PKP2: variants seen among roughly 807,000 people sequenced by gnomAD.
The protein encoded by PKP2 is plakophilin-2.
PKP2 carries 73 observed loss-of-function variants against 83.4 expected under a neutral mutation model. The observed-to-expected ratio is 0.88, with a 90% CI of 0.72 to 1.06. PKP2 has a LOEUF of 1.06. PKP2 is among the 50% of genes least tolerant of loss of function. The pLI, the probability that PKP2 is intolerant of heterozygous loss-of-function variation, is 0.00. For synonymous variants in PKP2, 409 were observed against 430.4 expected, an observed-to-expected ratio of 0.95 and a Z score of 0.62; for missense variants, 966 against 1,065.4, an observed-to-expected ratio of 0.91 and a Z score of 1.30.
intron 4 of PKP2, among the ~76,000 whole-genome samples, chr12:32,851,217 G>T (rs1231858020): frequency 8.5e-5 from 13 of 152,114 alleles, no homozygotes; most frequent in Admixed American, 8.5e-4. Flanking sequence ...TGAAGGGGAA[G>T]ATTAAGTGAT....
chr12:32,879,285 C>A (rs1344569695), intron 1 of PKP2, among the ~76,000 whole-genome samples: 5 of 152,244 alleles, frequency 3.3e-5, no homozygotes, highest in Non-Finnish European at 7.3e-5. Context: ...CTTATCCCAG[C>A]ACTCTGGGAG....
intron 9 of PKP2, among the ~76,000 whole-genome samples, chr12:32,806,823 C>T (rs536861665): frequency 1.7e-4 from 26 of 152,180 alleles, no homozygotes; most frequent in African/African-American, 5.8e-4. Context: ...ATCTTTCTAG[C>T]TTATTGATCT....
chr12:32,844,034 A>G (rs1266204043), intron 5 of PKP2, among the ~76,000 whole-genome samples: 1 of 152,270 alleles, frequency 6.6e-6, no homozygotes, highest in Non-Finnish European at 1.5e-5. Context: ...ACACCTTACA[A>G]TAAAAACCAG....
intron 10 of PKP2, among the ~76,000 whole-genome samples, chr12:32,801,616 A>C (rs73301721): frequency 0.22 from 32,795 of 152,112 alleles, 4,128 homozygotes; most frequent in East Asian, 0.57. Flanking sequence ...AACAGGCAAA[A>C]TATTGTTTAT....
intron 10 of PKP2, 89 bp from the exon 11 acceptor site, chr12:32,796,387 C>A (rs1956125006): frequency 1.7e-6 from 2 of 1,201,478 alleles, no homozygotes; most frequent in Admixed American, 2.0e-5. Context: ...GAAGAACATT[C>A]TTTTTCTTTT....
At chr12:32,871,919 C>A (rs1217652078) in intron 3 of PKP2, among the ~76,000 whole-genome samples, 1 of 152,128 alleles carries the variant, frequency 6.6e-6, no homozygotes, top group African/African-American at 2.4e-5. Context: ...TAGAGCTATT[C>A]TTTCCTCTAT....
intron 4 of PKP2, among the ~76,000 whole-genome samples, chr12:32,855,981 A>C (rs1359748393): frequency 1.3e-5 from 2 of 152,032 alleles, no homozygotes; most frequent in African/African-American, 4.8e-5. Context: ...TTGTGGGGAC[A>C]AAGAAAGCTA....
rs1303357712 is a variant in PKP2 at position 32,896,498 on chromosome 12, G to A, written c.223+11C>T. The A allele has an allele frequency of 5.4e-6, 8 of 1,479,658 alleles. No homozygotes were observed. Among genetic ancestry groups the A allele is most frequent in the Non-Finnish European group, 6.3e-6 (7 of 1,113,720 alleles). The allele number at this position is 1,479,658 out of a possible 1,614,324, so 91.7% of individuals were successfully genotyped here. ...AGGGGGCGGCGCCGGGGAGCGGCGG[G>A]CTCCACTCACCGTTGCCCACGGAGC... On this transcript the variant is annotated intron_variant, in intron 1 of 12. Transcript: ENST00000340811.
At position 32,822,490 on chromosome 12, in the gene PKP2, T is replaced by G; in HGVS notation, c.1816A>C (p.Ser606Arg). 2 of 1,614,158 alleles carry G rather than the reference T, an allele frequency of 1.2e-6. No individual in the cohort carries two copies. Among genetic ancestry groups the G allele is most frequent in the Non-Finnish European group, 1.7e-6 (2 of 1,180,032 alleles). Reference protein sequence around the residue: ...DNNKSIGCFGSRSRKVKEQYQ... With the variant: ...DNNKSIGCFGRRSRKVKEQYQ... ...ACCTCTTTTACTTTCCTGCTTCGAC[T>G]GCCAAAACATCCAATACTTTTGTTG... Residue 606 changes from serine to arginine, a missense_variant, in exon 8 of 13, where the codon AGT becomes CGT. Transcript: ENST00000340811.
At chr12:32,880,100 G>C (rs1956971982) in intron 1 of PKP2, among the ~76,000 whole-genome samples, 1 of 151,026 alleles carries the variant, frequency 6.6e-6, no homozygotes, top group African/African-American at 2.4e-5. Flanking sequence ...AGATAAGACA[G>C]CTTGTATAAA....
At chr12:32,837,390 A>T (rs533548517) in intron 6 of PKP2, among the ~76,000 whole-genome samples, 39 of 152,296 alleles carry the variant, frequency 2.6e-4, no homozygotes, top group Non-Finnish European at 1.5e-5. Flanking sequence ...AATGAGGAAA[A>T]CCTATCTTGT....
chr12:32,797,608 T>G (rs1461971961), intron 10 of PKP2, among the ~76,000 whole-genome samples: 1 of 143,854 alleles, frequency 7.0e-6, no homozygotes, highest in African/African-American at 2.6e-5. Flanking sequence ...CAGGCTGGAG[T>G]GCAGTGGCGC....
At chr12:32,843,411 C>A (rs1468354037) in intron 5 of PKP2, 6 of 828,746 alleles carry the variant, frequency 7.2e-6, no homozygotes, top group Non-Finnish European at 1.1e-5. Context: ...GCAAACATCA[C>A]CTCCCCTGAA....
At chr12:32,801,376 T>TG (rs59608291) in intron 10 of PKP2, among the ~76,000 whole-genome samples, 1 of 151,958 alleles carries the variant, frequency 6.6e-6, no homozygotes, top group East Asian at 1.9e-4. Flanking sequence ...CAAAAGACCA[T>TG]GGGGAGAGCA....
chr12:32,840,873 G>GT (rs1428008577), intron 6 of PKP2, among the ~76,000 whole-genome samples, 155 bp downstream of exon 6: 5 of 152,034 alleles, frequency 3.3e-5, no homozygotes, highest in Non-Finnish European at 4.4e-5. Context: ...GCGAGACTCT[G>GT]TTTTAAAAAA....
chr12:32,863,408 G>C (rs778429592), intron 4 of PKP2: 7 of 251,998 alleles, frequency 2.8e-5, no homozygotes, highest in South Asian at 6.1e-5. Flanking sequence ...CACAGAGTCC[G>C]AGTGATGCTG....
chr12:32,833,692 G>A (rs945482579), intron 6 of PKP2, among the ~76,000 whole-genome samples: 16 of 152,034 alleles, frequency 1.1e-4, no homozygotes, highest in Non-Finnish European at 1.5e-5. Context: ...TTTACTATAC[G>A]ATGACAGGTG....
At chr12:32,876,593 A>C (rs555478585) in intron 3 of PKP2, among the ~76,000 whole-genome samples, 108 of 152,176 alleles carry the variant, frequency 7.1e-4, no homozygotes, top group African/African-American at 2.1e-3. Flanking sequence ...CAGTGGCACA[A>C]ATCTTGGCTC....
chr12:32,887,112 T>C (rs1957037361), intron 1 of PKP2, among the ~76,000 whole-genome samples: 1 of 152,234 alleles, frequency 6.6e-6, no homozygotes, highest in South Asian at 2.1e-4. Context: ...TACAGTGCTA[T>C]ATTTTGTGAC....
Sources: allele counts gnomAD v4.1 joint callset (sites outside exome capture counted in the v4.1 genomes callset), GRCh38; gene constraint gnomAD v4.1.1; transcripts MANE v1.5; gene names NCBI Gene and HGNC (gene_info 2026-07-23, HGNC 2026-07-21).